Variants in EDEM1 observed in about 807,000 individuals in gnomAD.
The protein encoded by EDEM1 is ER degradation enhancing alpha-mannosidase like protein 1.
EDEM1 carries 67 observed loss-of-function variants against 74.4 expected under a neutral mutation model. That is an observed-to-expected ratio of 0.90 (90% confidence interval 0.74 to 1.10). EDEM1 has a LOEUF of 1.10. EDEM1 is among the 50% of genes least tolerant of loss of function. The pLI, the probability that EDEM1 is intolerant of heterozygous loss-of-function variation, is 0.00. For missense variants in EDEM1, 926 were observed against 851.6 expected (o/e 1.09, Z -1.09); for synonymous variants, 382 against 335.9 (o/e 1.14, Z -1.50).
In EDEM1 at chr3:5,219,058, T is replaced by G. The variant is rs2055279593; in HGVS notation, c.*3140T>G. 6.6e-6 allele frequency: 1 copy of G among 152,200 alleles called. No homozygotes were observed. Among genetic ancestry groups the G allele is most frequent in the Non-Finnish European group, 1.5e-5 (1 of 68,028 alleles). 9.4% of individuals were successfully genotyped at this position (152,200 alleles called of 1,614,324 possible). A position where few individuals can be genotyped will look rare whatever the true frequency, so the allele number is the denominator to read the frequency against. On this transcript the variant is annotated 3_prime_UTR_variant, in exon 12 of 12. Coordinates refer to ENST00000256497, the MANE Select transcript of EDEM1 (RefSeq NM_014674.3). Reference sequence around the variant, plus strand: ...GTACCTGGTTTGGTCAGTGCAGTTGTGCAATCTGAGGGCCTTGTTTCCTCC... The same window carrying G: ...GTACCTGGTTTGGTCAGTGCAGTTGGGCAATCTGAGGGCCTTGTTTCCTCC...
rs1559300928 is a variant in EDEM1 at position 5,213,297 on chromosome 3, T to C, written c.1681-22T>C. 3 of 1,605,090 alleles carry C rather than the reference T, an allele frequency of 1.9e-6. No homozygotes were observed. The South Asian group carries it at 3.3e-5, about 18-fold the overall frequency. On this transcript the variant is annotated intron_variant, in intron 10 of 11. Transcript: ENST00000256497. ...CAGTGTGCTACAATTATTGGTTGTA[T>C]CTTTTTCTCCGTTCCCTCTAGCTGT...
In EDEM1 at chr3:5,188,125, G is replaced by C. The variant is rs374561652; in HGVS notation, c.320G>C (p.Arg107Pro). 51 of 1,525,634 alleles carry C rather than the reference G, an allele frequency of 3.3e-5. No individual in the cohort carries two copies. Among genetic ancestry groups the C allele is most frequent in the Admixed American group, 3.3e-4 (16 of 48,254 alleles). The allele number at this position is 1,525,634 out of a possible 1,614,324, so 94.5% of individuals were successfully genotyped here. Residue 107 changes from arginine to proline, a missense_variant, in exon 1 of 12, where the codon CGG (arginine) becomes CCG (proline). Coordinates refer to ENST00000256497, the MANE Select transcript of EDEM1 (RefSeq NM_014674.3). ...PANWGYVLGG[R>P]GRGPDEYEKR... Reference sequence around the variant, plus strand: ...AACTGGGGCTACGTGCTGGGCGGCCGGGGCCGCGGCCCGGACGAGTACGAG... The same window carrying C: ...AACTGGGGCTACGTGCTGGGCGGCCCGGGCCGCGGCCCGGACGAGTACGAG...
intron 8 of EDEM1, among the ~76,000 whole-genome samples, chr3:5,209,799 T>C (rs78238338): frequency 0.035 from 5,305 of 152,302 alleles, 303 homozygotes; most frequent in African/African-American, 0.12. Flanking sequence ...CTCTTTCCTG[T>C]GCCTGTGTCT....
chr3:5,214,452 A>AC (rs2055206256), intron 11 of EDEM1, among the ~76,000 whole-genome samples: 1 of 151,378 alleles, frequency 6.6e-6, no homozygotes, highest in African/African-American at 2.4e-5. Flanking sequence ...GTAGATAACC[A>AC]CCCCCGCCCC....
At chr3:5,193,711 C>T (rs2054929064) in intron 1 of EDEM1, among the ~76,000 whole-genome samples, 1 of 152,102 alleles carries the variant, frequency 6.6e-6, no homozygotes, top group South Asian at 2.1e-4. Flanking sequence ...AATTCTTCTG[C>T]CTCAGCCTCC....
intron 3 of EDEM1, among the ~76,000 whole-genome samples, chr3:5,200,929 C>T (rs916054990): frequency 5.3e-5 from 8 of 149,662 alleles, no homozygotes; most frequent in African/African-American, 2.0e-4. Context: ...CAGGGTCTTG[C>T]TCTGTTGCCC....
At chr3:5,202,040 C>A in intron 4 of EDEM1, 116 bp downstream of exon 4, 1 of 1,297,882 alleles carries the variant, frequency 7.7e-7, no homozygotes, top group Non-Finnish European at 1.0e-6. Context: ...ATGAGAAAAG[C>A]AGTGTCCTTA....
At chr3:5,188,392 C>T in intron 1 of EDEM1, 78 bp downstream of exon 1, 3 of 1,311,828 alleles carry the variant, frequency 2.3e-6, no homozygotes, top group Non-Finnish European at 2.9e-6. Flanking sequence ...AGCCCTCTGT[C>T]CTCCGGGGCC....
intron 1 of EDEM1, among the ~76,000 whole-genome samples, chr3:5,194,863 T>C (rs567719430): frequency 2.0e-5 from 3 of 152,332 alleles, no homozygotes; most frequent in African/African-American, 7.2e-5. Flanking sequence ...TCCTAATGAT[T>C]GTGAAATCAG....
At chr3:5,213,768 G>C (rs141141713) in intron 11 of EDEM1, among the ~76,000 whole-genome samples, 1,804 of 152,282 alleles carry the variant, frequency 0.012, 34 homozygotes, top group African/African-American at 0.04. Flanking sequence ...ATCCTGGAAG[G>C]GGGGAGCCTT....
In EDEM1 at chr3:5,213,308, G is replaced by C. The variant is rs374717401; in HGVS notation, c.1681-11G>C. The C allele has an allele frequency of 6.8e-6, 11 of 1,608,622 alleles. No homozygotes were observed. The highest frequency in any genetic ancestry group is 2.2e-5 in the East Asian group (1 of 44,736). The stretch of plus-strand genomic sequence containing the variant: ...AATTATTGGTTGTATCTTTTTCTCC[G>C]TTCCCTCTAGCTGTTTGATGAAGAC... On this transcript the variant is annotated splice_polypyrimidine_tract_variant and intron_variant, in intron 10 of 11. Transcript: ENST00000256497.
chr3:5,200,172 T>G (rs1434183798), intron 3 of EDEM1, among the ~76,000 whole-genome samples: 1 of 152,222 alleles, frequency 6.6e-6, no homozygotes, highest in Non-Finnish European at 1.5e-5. Flanking sequence ...CCTCAAGTGA[T>G]CCGCCTGCCT....
In EDEM1 at chr3:5,215,832, A is replaced by T; in HGVS notation, c.1888A>T (p.Asn630Tyr). ...LKVINSSSNC[N>Y]RVPDERRYSL... is the part of the protein sequence containing the mutation. ...TCCCTCGTTTTTGTCTTTCTAGTGCAATCGTGTACCTGATGAGAGGAGGTA... is the reference window on the plus strand; with the variant it reads ...TCCCTCGTTTTTGTCTTTCTAGTGCTATCGTGTACCTGATGAGAGGAGGTA... The change falls in exon 12 of 12, where the codon AAT becomes TAT. Residue 630 changes from asparagine (N) to tyrosine (Y), a missense_variant. Physicochemically the swap from Asn to Tyr is moderately radical, Grantham distance 143. Transcript: ENST00000256497. The T allele has an allele frequency of 6.2e-7, 1 of 1,613,046 alleles. No homozygotes were observed.
chr3:5,196,733 T>G (rs987931254), intron 2 of EDEM1, among the ~76,000 whole-genome samples: 19 of 152,180 alleles, frequency 1.2e-4, no homozygotes, highest in African/African-American at 4.6e-4. Context: ...TCTGTTTCAG[T>G]CATTTACCAT....
intron 9 of EDEM1, 113 bp downstream of exon 9, chr3:5,210,361 T>C: frequency 1.0e-6 from 1 of 981,386 alleles, no homozygotes; most frequent in Non-Finnish European, 1.6e-6. Flanking sequence ...GTCATTAATG[T>C]TACATTTACA....
At chr3:5,191,654 AC>A (rs1162885999) in intron 1 of EDEM1, among the ~76,000 whole-genome samples, 1 of 152,246 alleles carries the variant, frequency 6.6e-6, no homozygotes, top group African/African-American at 2.4e-5. Flanking sequence ...AAACACTCTT[AC>A]CGTTTCTCTG....
chr3:5,205,288 A>T, intron 6 of EDEM1, 47 bp downstream of exon 6: 2 of 1,568,342 alleles, frequency 1.3e-6, no homozygotes, highest in Non-Finnish European at 1.7e-6. Context: ...AGCAAATAGA[A>T]TGCATTCTGA....
At chr3:5,196,765 A>G (rs951550013) in intron 2 of EDEM1, among the ~76,000 whole-genome samples, 1 of 152,118 alleles carries the variant, frequency 6.6e-6, no homozygotes, top group Non-Finnish European at 1.5e-5. Context: ...ATGTGCCCAG[A>G]CAAGTATGTT....
At position 5,195,407 on chromosome 3, in the gene EDEM1, C is replaced by T. The variant is rs1221412587; in HGVS notation, c.582+126C>T. The T allele has an allele frequency of 2.2e-5, 10 of 452,224 alleles. No homozygotes were observed. The East Asian group carries it at 2.8e-4, about 13-fold the overall frequency. 28.0% of individuals were successfully genotyped at this position (452,224 alleles called of 1,614,324 possible). A position where few individuals can be genotyped will look rare whatever the true frequency, so the allele number is the denominator to read the frequency against. On this transcript the variant is annotated intron_variant, in intron 2 of 11. Coordinates refer to ENST00000256497, the MANE Select transcript of EDEM1 (RefSeq NM_014674.3). ...CAAAATGTATCATTAGCTTTGATAA[C>T]TGTTATTTATTTTAATGACCTTAAT...
Sources: allele counts gnomAD v4.1 joint callset (sites outside exome capture counted in the v4.1 genomes callset), GRCh38; gene constraint gnomAD v4.1.1; transcripts MANE v1.5; gene names NCBI Gene and HGNC (gene_info 2026-07-23, HGNC 2026-07-21).